PWWP2A: variants seen among roughly 807,000 people sequenced by gnomAD.
The protein encoded by PWWP2A is PWWP domain-containing protein 2A.
Under a neutral mutation model 48.5 loss-of-function variants are expected in PWWP2A, and 18 were observed. That is an observed-to-expected ratio of 0.37 (90% confidence interval 0.26 to 0.55). The LOEUF is 0.55. Among genes scored for constraint, PWWP2A ranks in the 20% least tolerant of loss-of-function variants. The pLI is 0.81. For synonymous variants in PWWP2A, 396 were observed against 387.7 expected, an observed-to-expected ratio of 1.02 and a Z score of -0.25; for missense variants, 867 against 976.4, an observed-to-expected ratio of 0.89 and a Z score of 1.49.
In PWWP2A at chr5:160,093,764, G is replaced by A; in HGVS notation, c.886C>T (p.Arg296Ter). The part of the protein sequence containing the change: ...IPQPPPRKIK[R>*]PKRKMYREEP... ...TCCCTGTACATTTTTCGTTTGGGTCGCTTAATTTTCCGAGGAGGTGGCTGA... is the reference window on the plus strand; with the variant it reads ...TCCCTGTACATTTTTCGTTTGGGTCACTTAATTTTCCGAGGAGGTGGCTGA... The change falls in exon 2 of 2, where the codon CGA becomes TGA. Residue 296 changes from arginine (R) to a stop codon, truncating the protein, a stop_gained. Transcript: ENST00000307063. LOFTEE classifies it high-confidence loss of function. This position sits in a 1 kb window ranked among gnomAD's most constrained non-coding sequence, Gnocchi z 5.8. 1 of 1,613,874 alleles carries A rather than the reference G, an allele frequency of 6.2e-7. No homozygotes were observed. The highest frequency in any genetic ancestry group is 8.5e-7 in the Non-Finnish European group (1 of 1,179,894).
the PWWP2A span, chr5:160,050,977 GTTT>G: frequency 6.7e-6 from 3 of 447,236 alleles, no homozygotes; most frequent in Non-Finnish European, 7.6e-6. Context: ...AATACTTGGG[GTTT>G]TTTTTTTTTA....
chr5:160,114,538 G>A (rs950010165), intron 1 of PWWP2A, among the ~76,000 whole-genome samples: 11 of 151,698 alleles, frequency 7.3e-5, no homozygotes, highest in African/African-American at 2.4e-4. Flanking sequence ...CAAGGCGGGC[G>A]GATCACCTGA....
chr5:160,095,686 CTT>C (rs11358268), intron 1 of PWWP2A, among the ~76,000 whole-genome samples: 1,148 of 100,340 alleles, frequency 0.011, 6 homozygotes, highest in East Asian at 0.032. Context: ...CCGAAATGTT[CTT>C]TTTTTTTTTT....
chr5:160,117,662 A>AC (rs1481804350), intron 1 of PWWP2A, among the ~76,000 whole-genome samples: 3 of 152,214 alleles, frequency 2.0e-5, no homozygotes, highest in African/African-American at 7.2e-5. Flanking sequence ...GTCTCAAAAA[A>AC]AAAAAAAAAG....
the PWWP2A span, among the ~76,000 whole-genome samples, chr5:160,048,126 C>CTTTTTTTT: frequency 1.4e-4 from 5 of 35,568 alleles, 1 homozygote; most frequent in African/African-American, 3.7e-4. Context: ...CAAGACATTG[C>CTTTTTTTT]TTTTTTTTTT....
chr5:160,062,823 T>C (rs1190986883), intron 5 of PWWP2A, among the ~76,000 whole-genome samples: 2 of 152,040 alleles, frequency 1.3e-5, no homozygotes, highest in Non-Finnish European at 2.9e-5. Context: ...TTTTTCCCCC[T>C]TCCTGTCCTC....
At chr5:160,094,655 T>A (rs922282205) in intron 1 of PWWP2A, among the ~76,000 whole-genome samples, 6 of 152,192 alleles carry the variant, frequency 3.9e-5, no homozygotes, top group African/African-American at 1.2e-4. Context: ...AGAACTCAGA[T>A]ACTCAAACTA....
At chr5:160,065,561 G>C in intron 4 of PWWP2A, 1 of 347,072 alleles carries the variant, frequency 2.9e-6, no homozygotes, top group Non-Finnish European at 5.7e-6. Context: ...GTTAGGTTGT[G>C]AATTTTGTCA....
the PWWP2A span, chr5:160,050,977 G>GGT: frequency 2.2e-6 from 1 of 446,994 alleles, no homozygotes; most frequent in African/African-American, 2.1e-5. Flanking sequence ...AATACTTGGG[G>GGT]TTTTTTTTTT....
downstream of PWWP2A, among the ~76,000 whole-genome samples, chr5:160,073,886 G>A (rs924727904): frequency 3.1e-4 from 47 of 151,754 alleles, no homozygotes; most frequent in African/African-American, 1.1e-3. Context: ...CCAACATGGC[G>A]AAACCCCTTC....
the PWWP2A span, among the ~76,000 whole-genome samples, chr5:160,054,605 C>T: frequency 7.4e-6 from 1 of 135,142 alleles, no homozygotes; most frequent in South Asian, 2.3e-4. Context: ...GTCTCAAAAA[C>T]AAAAAAAGAA....
At chr5:160,070,629 G>GTACT (rs1456357053) in intron 2 of PWWP2A, among the ~76,000 whole-genome samples, 18 of 152,048 alleles carry the variant, frequency 1.2e-4, no homozygotes, top group African/African-American at 4.3e-4. Flanking sequence ...ACAAATAACT[G>GTACT]TACTTAAGGA....
rs1738203433 is a variant in PWWP2A, at chr5:160,077,452, C to T, written c.*703G>A. 6.6e-6 allele frequency: 1 copy of T among 152,078 alleles called. No homozygotes were observed. The highest frequency in any genetic ancestry group is 2.4e-5 in the African/African-American group (1 of 41,390). 9.4% of individuals were successfully genotyped at this position (152,078 alleles called of 1,614,324 possible). ...AAGAATGTAATTATGAAAATGTGCA[C>T]AAAATGTTAAATACTAGTGGCAAAT... On this transcript the variant is annotated 3_prime_UTR_variant, in exon 4 of 4. Coordinates refer to the PWWP2A transcript ENST00000456329. This position sits in a 1 kb window ranked among gnomAD's most constrained non-coding sequence, Gnocchi z 4.2.
At chr5:160,080,179 T>C (rs187958150) in intron 3 of PWWP2A, among the ~76,000 whole-genome samples, 6 of 152,322 alleles carry the variant, frequency 3.9e-5, no homozygotes, top group Non-Finnish European at 5.9e-5. Flanking sequence ...TTGTGACTAA[T>C]TCACTAAGAA....
chr5:160,051,660 G>C, the PWWP2A span, among the ~76,000 whole-genome samples: 1 of 152,190 alleles, frequency 6.6e-6, no homozygotes, highest in Non-Finnish European at 1.5e-5. Context: ...GGAGTAAAGA[G>C]AAATCAGACT....
In PWWP2A at chr5:160,092,159, G is replaced by A. The variant is rs1216130893; in HGVS notation, c.*223C>T. On this transcript the variant is annotated 3_prime_UTR_variant, in exon 2 of 2. Coordinates refer to ENST00000307063, the MANE Select transcript of PWWP2A (RefSeq NM_001130864.2). ...TGGGATGGTTTCGAACTTCAAAACT[G>A]AAAAATACTGCTAAAATCTCACTTC... 7.7e-7 allele frequency: 1 copy of A among 1,300,566 alleles called. No homozygotes were observed. The highest frequency in any genetic ancestry group is 9.7e-7 in the Non-Finnish European group (1 of 1,026,392). 80.6% of individuals were successfully genotyped at this position (1,300,566 alleles called of 1,614,324 possible). A position where few individuals can be genotyped will look rare whatever the true frequency, so the allele number is the denominator to read the frequency against.
the PWWP2A span, among the ~76,000 whole-genome samples, chr5:160,056,708 G>A: frequency 6.6e-6 from 1 of 152,270 alleles, no homozygotes; most frequent in Admixed American, 6.5e-5. Flanking sequence ...GGGCAACAGA[G>A]TGAAACCCTG....
chr5:160,118,581 C>A (rs1259213660), intron 1 of PWWP2A, among the ~76,000 whole-genome samples: 2 of 152,216 alleles, frequency 1.3e-5, no homozygotes, highest in Non-Finnish European at 2.9e-5. Flanking sequence ...CACCCTCCCA[C>A]CTGGTGGCAC....
intron 1 of PWWP2A, among the ~76,000 whole-genome samples, chr5:160,108,799 A>G (rs937260155): frequency 6.6e-6 from 1 of 152,212 alleles, no homozygotes; most frequent in Non-Finnish European, 1.5e-5. Flanking sequence ...ATTCTGAAAT[A>G]CAGCTAGCTA....
Sources: allele counts gnomAD v4.1 joint callset (sites outside exome capture counted in the v4.1 genomes callset), GRCh38; gene constraint gnomAD v4.1.1; non-coding constraint Gnocchi (gnomAD v3.1); transcripts MANE v1.5; gene names NCBI Gene and HGNC (gene_info 2026-07-23, HGNC 2026-07-21).